The following P2RY12 variants were observed in gnomAD, a reference collection of about 807,000 sequenced individuals.
P2RY12 encodes the protein purinergic receptor P2Y12, also known as P2Y purinoceptor 12.
Under a neutral mutation model 4.5 loss-of-function variants are expected in P2RY12, and 3 were observed. The observed-to-expected ratio is 0.67, with a 90% CI of 0.31 to 1.74. P2RY12 has a LOEUF of 1.74. Among genes scored for constraint, P2RY12 ranks in the 40% most tolerant of loss-of-function variants. The pLI, the probability that P2RY12 is intolerant of heterozygous loss-of-function variation, is 0.09. For missense variants in P2RY12, 356 were observed against 407.8 expected, an observed-to-expected ratio of 0.87 and a Z score of 1.09; for synonymous variants, 148 against 154.1, an observed-to-expected ratio of 0.96 and a Z score of 0.29.
Position 151,378,288 on chromosome 3 carries a change from A to G in P2RY12, c.-180+6404T>C. 16 of 1,093,680 alleles carry G rather than the reference A, an allele frequency of 1.5e-5. No homozygotes were observed. The South Asian group carries it at 1.9e-4, about 13-fold the overall frequency. The allele number at this position is 1,093,680 out of a possible 1,614,324, so 67.7% of individuals were successfully genotyped here. On this transcript the variant is annotated intron_variant, in intron 1 of 2. Transcript: ENST00000302632. ...ACAGTCCACTGAAATTTAGTTTTTA[A>G]ATGGAACTGGGAATATTCTATTAGG...
chr3:151,381,105 AT>A (rs1214347122), intron 1 of P2RY12, among the ~76,000 whole-genome samples: 3 of 152,226 alleles, frequency 2.0e-5, no homozygotes, highest in Non-Finnish European at 4.4e-5. Context: ...CACAACAGAA[AT>A]TGGAGAGCAT....
chr3:151,382,695 A>G lies in P2RY12; in HGVS notation c.-180+1997T>C. 7 of 1,612,864 alleles carry G rather than the reference A, an allele frequency of 4.3e-6. No individual in the cohort carries two copies. Among genetic ancestry groups the G allele is most frequent in the Non-Finnish European group, 5.1e-6 (6 of 1,179,416 alleles). On this transcript the variant is annotated intron_variant, in intron 1 of 2. Transcript: ENST00000302632. ...GAGAGAAGAACGATACCAAGATGAC[A>G]TAAAAGCGCGGCAGATGATGCACGA...
intron 1 of P2RY12, among the ~76,000 whole-genome samples, chr3:151,359,356 C>G (rs1225495658): frequency 1.3e-5 from 2 of 152,040 alleles, no homozygotes; most frequent in Non-Finnish European, 2.9e-5. Context: ...CACTTTTGTT[C>G]TAATTGGCAG....
At chr3:151,351,145 G>T (rs937887418) in intron 1 of P2RY12, among the ~76,000 whole-genome samples, 1 of 152,150 alleles carries the variant, frequency 6.6e-6, no homozygotes, top group Non-Finnish European at 1.5e-5. Context: ...AGGAGATCCA[G>T]TTCCTAGACT....
At chr3:151,344,250 G>A (rs1752258937) in intron 1 of P2RY12, among the ~76,000 whole-genome samples, 1 of 151,454 alleles carries the variant, frequency 6.6e-6, no homozygotes, top group Non-Finnish European at 1.5e-5. Context: ...AGTTAAATCC[G>A]CCTCCTATTT....
At chr3:151,377,101 G>T in intron 1 of P2RY12, 2 of 1,614,068 alleles carry the variant, frequency 1.2e-6, no homozygotes, top group Non-Finnish European at 8.5e-7. Context: ...ATTCTGGCAT[G>T]AGCCTCTTCA....
intron 1 of P2RY12, among the ~76,000 whole-genome samples, chr3:151,365,366 T>C (rs757308094): frequency 6.6e-6 from 1 of 152,210 alleles, no homozygotes. Context: ...GCACTATCTT[T>C]TAATTTCCTT....
At chr3:151,362,583 C>A (rs1754747242) in intron 1 of P2RY12, among the ~76,000 whole-genome samples, 1 of 152,124 alleles carries the variant, frequency 6.6e-6, no homozygotes, top group African/African-American at 2.4e-5. Context: ...GCTACCCCCA[C>A]TGTAGATTCT....
At chr3:151,357,476 T>G (rs1754070661) in intron 1 of P2RY12, 6 of 1,059,344 alleles carry the variant, frequency 5.7e-6, no homozygotes, top group Non-Finnish European at 7.8e-6. Context: ...TACTGATACC[T>G]GTTTTAGTTA....
intron 1 of P2RY12, among the ~76,000 whole-genome samples, chr3:151,364,423 T>C (rs189277672): frequency 6.6e-6 from 1 of 152,300 alleles, no homozygotes; most frequent in East Asian, 1.9e-4. Context: ...AATTTGTGTA[T>C]TATCCATATC....
chr3:151,376,734 TA>T, intron 1 of P2RY12: 1 of 1,315,468 alleles, frequency 7.6e-7, no homozygotes, highest in Non-Finnish European at 1.1e-6. Context: ...AGGAGTACTG[TA>T]AGAAATTACT....
At chr3:151,373,373 C>G (rs1289645394) in intron 1 of P2RY12, among the ~76,000 whole-genome samples, 1 of 152,142 alleles carries the variant, frequency 6.6e-6, no homozygotes, top group Non-Finnish European at 1.5e-5. Flanking sequence ...TGTATAGTTT[C>G]AAGATTAGTA....
intron 1 of P2RY12, among the ~76,000 whole-genome samples, chr3:151,365,680 ATCT>A (rs1755188448): frequency 6.6e-6 from 1 of 152,218 alleles, no homozygotes; most frequent in African/African-American, 2.4e-5. Context: ...AGCCATTGTT[ATCT>A]TCTTCTCAAG....
At chr3:151,384,390 A>G (rs1158988762) in intron 1 of P2RY12, among the ~76,000 whole-genome samples, 1 of 152,268 alleles carries the variant, frequency 6.6e-6, no homozygotes, top group Admixed American at 6.5e-5. Context: ...TTACATGCAC[A>G]TAACCTTGAT....
At chr3:151,376,721 A>G in intron 1 of P2RY12, 1 of 1,159,126 alleles carries the variant, frequency 8.6e-7, no homozygotes, top group Non-Finnish European at 1.3e-6. Context: ...CTTTCTTGAG[A>G]GAAGGAGTAC....
At chr3:151,374,042 C>G (rs1443584207) in intron 1 of P2RY12, among the ~76,000 whole-genome samples, 1 of 152,112 alleles carries the variant, frequency 6.6e-6, no homozygotes, top group African/African-American at 2.4e-5. Flanking sequence ...TCCAATCCAA[C>G]CCCACAAAGT....
At chr3:151,367,326 C>T (rs1229688773) in intron 1 of P2RY12, among the ~76,000 whole-genome samples, 5 of 152,124 alleles carry the variant, frequency 3.3e-5, no homozygotes, top group Admixed American at 3.3e-4. Context: ...TTGCAGTCTG[C>T]CAAAATGTTT....
chr3:151,368,911 A>G (rs560487027), intron 1 of P2RY12, among the ~76,000 whole-genome samples: 7 of 151,490 alleles, frequency 4.6e-5, no homozygotes, highest in Non-Finnish European at 8.8e-5. Context: ...ATAGGCATGC[A>G]CCACCATGCC....
At chr3:151,363,947 A>G (rs1754955012) in intron 1 of P2RY12, among the ~76,000 whole-genome samples, 2 of 152,164 alleles carry the variant, frequency 1.3e-5, no homozygotes. Flanking sequence ...GTGACTTTTC[A>G]TCTTCGAGGG....
Sources: allele counts gnomAD v4.1 joint callset (sites outside exome capture counted in the v4.1 genomes callset), GRCh38; gene constraint gnomAD v4.1.1; transcripts MANE v1.5; gene names NCBI Gene and HGNC (gene_info 2026-07-23, HGNC 2026-07-21).